The following C7orf78 variants were observed in gnomAD, a reference collection of about 807,000 sequenced individuals.
C7orf78 encodes putative uncharacterized protein C7orf78.
the C7orf78 span, among the ~76,000 whole-genome samples, chr7:12,498,544 A>G: frequency 6.6e-6 from 1 of 152,076 alleles, no homozygotes; most frequent in Non-Finnish European, 1.5e-5. Flanking sequence ...AAAAAGAATA[A>G]AAAGAAACGA....
chr7:12,526,781 A>T, the C7orf78 span, among the ~76,000 whole-genome samples: 384 of 114,606 alleles, frequency 3.4e-3, no homozygotes, highest in Middle Eastern at 0.028. Context: ...GGAACATGTC[A>T]ACTTTCCTAG....
At chr7:12,502,904 T>TA in the C7orf78 span, among the ~76,000 whole-genome samples, 11 of 150,652 alleles carry the variant, frequency 7.3e-5, no homozygotes, top group South Asian at 1.5e-3. Flanking sequence ...TATGCAGCCA[T>TA]AAAAAATGAT....
chr7:12,538,517 A>T, the C7orf78 span: 7 of 152,296 alleles, frequency 4.6e-5, no homozygotes, highest in African/African-American at 1.7e-4. Context: ...TCAAATAGTG[A>T]CTACTTATGG....
At chr7:12,541,167 G>C in the C7orf78 span, 60 of 152,326 alleles carry the variant, frequency 3.9e-4, 1 homozygote, top group African/African-American at 1.4e-3. Context: ...GTGAAAGTTA[G>C]ATCTTGCAAC....
chr7:12,537,948 C>A, the C7orf78 span, among the ~76,000 whole-genome samples: 1 of 151,856 alleles, frequency 6.6e-6, no homozygotes, highest in Non-Finnish European at 1.5e-5. Flanking sequence ...CATTATTATT[C>A]CATTTATATA....
chr7:12,525,995 G>A, the C7orf78 span: 6 of 389,906 alleles, frequency 1.5e-5, no homozygotes, highest in African/African-American at 8.3e-5. Context: ...CTAAATAGGT[G>A]GATTTTATTA....
At chr7:12,518,058 A>G in the C7orf78 span, among the ~76,000 whole-genome samples, 3 of 151,964 alleles carry the variant, frequency 2.0e-5, no homozygotes, top group Admixed American at 6.5e-5. Context: ...TTTATCTATG[A>G]TGTTTGTTGG....
the C7orf78 span, chr7:12,506,178 T>G: frequency 6.6e-6 from 1 of 152,210 alleles, no homozygotes. Flanking sequence ...ATAGGAATGC[T>G]TTTACACTGT....
At chr7:12,522,851 T>C in the C7orf78 span, 17 of 395,868 alleles carry the variant, frequency 4.3e-5, no homozygotes, top group African/African-American at 3.5e-4. Context: ...ATATTCCCTG[T>C]CATTTCTGAG....
At chr7:12,518,582 G>A in the C7orf78 span, among the ~76,000 whole-genome samples, 7 of 152,160 alleles carry the variant, frequency 4.6e-5, no homozygotes, top group Admixed American at 3.9e-4. Context: ...TGGCAGCAAG[G>A]TGAGTGGGCC....
At chr7:12,483,837 C>T in the C7orf78 span, 2 of 146,338 alleles carry the variant, frequency 1.4e-5, no homozygotes, top group African/African-American at 5.0e-5. Context: ...AAGATTGTGC[C>T]ACTGCACTCT....
At chr7:12,505,896 C>T in the C7orf78 span, 1 of 152,082 alleles carries the variant, frequency 6.6e-6, no homozygotes, top group Non-Finnish European at 1.5e-5. Context: ...ATTTTACATA[C>T]ATATTATTCA....
the C7orf78 span, among the ~76,000 whole-genome samples, chr7:12,493,918 A>C: frequency 6.6e-6 from 1 of 152,214 alleles, no homozygotes; most frequent in African/African-American, 2.4e-5. Flanking sequence ...AAACTTTCCT[A>C]GTGTTTGAAA....
the C7orf78 span, among the ~76,000 whole-genome samples, chr7:12,504,089 C>G: frequency 1.3e-5 from 2 of 152,244 alleles, no homozygotes; most frequent in South Asian, 4.2e-4. Flanking sequence ...TGAAAACTGC[C>G]TCTCAGAATC....
chr7:12,540,180 G>C, the C7orf78 span, among the ~76,000 whole-genome samples: 1 of 152,220 alleles, frequency 6.6e-6, no homozygotes, highest in African/African-American at 2.4e-5. Context: ...TAGCTTTGAG[G>C]CTTTTCCTCC....
the C7orf78 span, among the ~76,000 whole-genome samples, chr7:12,527,092 A>G: frequency 6.8e-6 from 1 of 146,912 alleles, no homozygotes; most frequent in Non-Finnish European, 1.5e-5. Context: ...GAAATGGAAC[A>G]TGTCAGCTTT....
the C7orf78 span, among the ~76,000 whole-genome samples, chr7:12,518,357 G>A: frequency 1.3e-5 from 2 of 152,244 alleles, no homozygotes; most frequent in African/African-American, 2.4e-5. Context: ...CACATGTCTT[G>A]CCCAGATGCT....
chr7:12,518,149 A>G, the C7orf78 span, among the ~76,000 whole-genome samples: 30 of 152,306 alleles, frequency 2.0e-4, no homozygotes, highest in Non-Finnish European at 3.8e-4. Flanking sequence ...TGTTAGTGGT[A>G]TCTGTGATTT....
At chr7:12,493,840 C>G in the C7orf78 span, among the ~76,000 whole-genome samples, 1 of 152,146 alleles carries the variant, frequency 6.6e-6, no homozygotes, top group Non-Finnish European at 1.5e-5. Context: ...CAGTTAAGAC[C>G]AAATATTGTT....
Sources: gnomAD v4.1 joint callset for allele counts (sites outside exome capture counted in the v4.1 genomes callset) on GRCh38, gnomAD v4.1.1 for gene constraint, MANE v1.5 for transcripts, NCBI Gene and HGNC (gene_info 2026-07-23, HGNC 2026-07-21) for gene names.